The following IL20RA variants were observed in gnomAD, a reference collection of about 807,000 sequenced individuals.
The protein encoded by IL20RA is interleukin 20 receptor subunit alpha.
Under a neutral mutation model 36.5 loss-of-function variants are expected in IL20RA, and 29 were observed. The observed-to-expected ratio is 0.79, with a 90% CI of 0.59 to 1.08. The LOEUF is 1.08. Among genes scored for constraint, IL20RA ranks in the 50% least tolerant of loss-of-function variants. IL20RA has a pLI of 0.00. For synonymous variants in IL20RA, 279 were observed against 267.1 expected (o/e 1.04, Z -0.43); for missense variants, 652 against 668.4 (o/e 0.98, Z 0.27).
chr6:137,001,911 C>T lies in IL20RA; in HGVS notation c.1309G>A (p.Ala437Thr). The T allele has an allele frequency of 1.2e-6, 2 of 1,614,016 alleles. No individual in the cohort carries two copies. The highest frequency in any genetic ancestry group is 1.7e-6 in the Non-Finnish European group (2 of 1,179,992). ...GTTTGCGGGCCCAAGACTGCCAACG[C>T]TGCCTGCGACTCCAATAATGTTCCT... The part of the protein sequence containing the change: ...TQGTLLESQA[A>T]LAVLGPQTLQ... Residue 437 changes from alanine to threonine, a missense_variant, in exon 7 of 7, where the codon GCG becomes ACG. Ala to Thr is a moderately conservative substitution (Grantham distance 58). Coordinates refer to ENST00000316649, the MANE Select transcript of IL20RA (RefSeq NM_014432.4).
In IL20RA at chr6:137,009,392, A is replaced by G; in HGVS notation, c.504T>C (p.Leu168=). The G allele has an allele frequency of 6.2e-7, 1 of 1,612,794 alleles. No homozygotes were observed. The highest frequency in any genetic ancestry group is 1.7e-4 in the Middle Eastern group (1 of 6,060). The change falls in exon 4 of 7, where the codon CTT becomes CTC. Residue 168 remains leucine, a synonymous_variant. Coordinates refer to ENST00000316649, the MANE Select transcript of IL20RA (RefSeq NM_014432.4). ...AGTATATTTGTTGCATGGAAACAGG[A>G]AGGTCTTCTGGATTTCTCTTCCACT... ...PEKWKRNPED[L]PVSMQQIYSN...
chr6:137,014,210 A>AT (rs34396422), intron 2 of IL20RA, among the ~76,000 whole-genome samples: 3 of 151,718 alleles, frequency 2.0e-5, no homozygotes, highest in Non-Finnish European at 2.9e-5. Context: ...AGTTATCTGA[A>AT]TTTTTTTTTC....
intron 3 of IL20RA, among the ~76,000 whole-genome samples, chr6:137,010,124 G>A (rs1027937594): frequency 1.3e-5 from 2 of 152,226 alleles, no homozygotes; most frequent in African/African-American, 2.4e-5. Flanking sequence ...TCTGTGACTT[G>A]AAAAGTTGGT....
At chr6:137,014,097 C>A (rs887663931) in intron 2 of IL20RA, among the ~76,000 whole-genome samples, 1 of 152,172 alleles carries the variant, frequency 6.6e-6, no homozygotes, top group African/African-American at 2.4e-5. Context: ...AAAGTGATTT[C>A]TTTCCTCTAA....
chr6:137,018,063 C>CAA (rs1775766221), intron 1 of IL20RA, among the ~76,000 whole-genome samples: 1 of 152,118 alleles, frequency 6.6e-6, no homozygotes, highest in African/African-American at 2.4e-5. Flanking sequence ...TATCCTGTCA[C>CAA]AAATATGCAC....
chr6:137,010,425 G>A (rs1202743239), intron 3 of IL20RA, among the ~76,000 whole-genome samples: 3 of 152,104 alleles, frequency 2.0e-5, no homozygotes, highest in Admixed American at 6.6e-5. Flanking sequence ...AATATTCCTT[G>A]GATTTTTAGA....
At chr6:137,013,310 C>T (rs6911717) in intron 2 of IL20RA, among the ~76,000 whole-genome samples, 399 of 152,304 alleles carry the variant, frequency 2.6e-3, no homozygotes, top group African/African-American at 8.9e-3. Context: ...ATGACAGATG[C>T]TGATGCAGGA....
intron 1 of IL20RA, among the ~76,000 whole-genome samples, chr6:137,026,030 C>G (rs895100419): frequency 2.6e-5 from 4 of 152,206 alleles, no homozygotes; most frequent in Non-Finnish European, 5.9e-5. Context: ...AGAAAGCAAA[C>G]AAATCGCAAG....
chr6:137,012,484 A>G (rs1489235714), intron 2 of IL20RA, among the ~76,000 whole-genome samples: 1 of 152,182 alleles, frequency 6.6e-6, no homozygotes, highest in Non-Finnish European at 1.5e-5. Context: ...TAAGATGTTC[A>G]CTTTTGATGC....
Position 137,001,485 on chromosome 6 carries a change from A to G in IL20RA, c.*73T>C. The G allele has an allele frequency of 7.3e-7, 1 of 1,364,696 alleles. No individual in the cohort carries two copies. 84.5% of individuals were successfully genotyped at this position (1,364,696 alleles called of 1,614,324 possible). A position where few individuals can be genotyped will look rare whatever the true frequency, so the allele number is the denominator to read the frequency against. On this transcript the variant is annotated 3_prime_UTR_variant, in exon 7 of 7. Coordinates refer to ENST00000316649, the MANE Select transcript of IL20RA (RefSeq NM_014432.4). Reference sequence around the variant, plus strand: ...GGAAAAAACTTCTTTCATCCCAGGTACTTTATGGCTGGGATCAAAGGGGTG... The same window carrying G: ...GGAAAAAACTTCTTTCATCCCAGGTGCTTTATGGCTGGGATCAAAGGGGTG...
intron 1 of IL20RA, among the ~76,000 whole-genome samples, chr6:137,030,732 A>G (rs1391539247): frequency 6.6e-6 from 1 of 152,214 alleles, no homozygotes; most frequent in Non-Finnish European, 1.5e-5. Context: ...CATTTGAGAA[A>G]GGCAGTGAAA....
rs140038413 is a variant in IL20RA at position 137,004,159 on chromosome 6, CTTTTTT to C, written c.864+456_864+461del. Among the ~76,000 whole-genome samples the C allele has an allele frequency of 1.2e-3, 104 of 88,000 alleles. 2 individuals carry two copies. Among genetic ancestry groups the C allele is most frequent in the Non-Finnish European group, 1.8e-3 (87 of 49,102 alleles). 57.7% of individuals were successfully genotyped at this position (88,000 alleles called of 152,430 possible). On this transcript the variant is annotated intron_variant, in intron 6 of 6. Coordinates refer to ENST00000316649, the MANE Select transcript of IL20RA (RefSeq NM_014432.4). Reference sequence around the variant, plus strand: ...TCTGTTAGTCAGCTAATCCAGAAAGCTTTTTTTTTTTTTTTTTTTTTTTTTTGAGAC... The same window carrying C: ...TCTGTTAGTCAGCTAATCCAGAAAGCTTTTTTTTTTTTTTTTTTTTGAGAC...
intron 1 of IL20RA, among the ~76,000 whole-genome samples, chr6:137,024,057 G>A (rs962937584): frequency 9.2e-5 from 14 of 152,292 alleles, no homozygotes; most frequent in African/African-American, 3.1e-4. Flanking sequence ...TCGCACCACT[G>A]CATTCCAGCC....
chr6:137,012,367 C>A (rs544968396), intron 2 of IL20RA, among the ~76,000 whole-genome samples: 1 of 152,278 alleles, frequency 6.6e-6, no homozygotes, highest in South Asian at 2.1e-4. Context: ...CTGTCTCTTT[C>A]TGTCTGGGGC....
At chr6:137,020,717 C>T (rs1775866726) in intron 1 of IL20RA, among the ~76,000 whole-genome samples, 1 of 152,044 alleles carries the variant, frequency 6.6e-6, no homozygotes, top group South Asian at 2.1e-4. Flanking sequence ...AAGCTCATTG[C>T]AAATACGCTG....
chr6:137,010,656 C>A (rs1582821441), intron 3 of IL20RA, among the ~76,000 whole-genome samples: 1 of 152,122 alleles, frequency 6.6e-6, no homozygotes, highest in East Asian at 1.9e-4. Context: ...AAGTAAATAC[C>A]AGGAAGAAGT....
chr6:137,001,694 C>G lies in IL20RA; in HGVS notation c.1526G>C (p.Gly509Ala). 6.2e-7 allele frequency: 1 copy of G among 1,614,170 alleles called. No homozygotes were observed. Among genetic ancestry groups the G allele is most frequent in the Non-Finnish European group, 8.5e-7 (1 of 1,179,998 alleles). ...QDSEGCEPSE[G>A]DGLGEEGLLS... Reference sequence around the variant, plus strand: ...AAGACCCTCCTCTCCGAGCCCATCCCCCTCAGAAGGCTCGCAGCCCTCTGA... The same window carrying G: ...AAGACCCTCCTCTCCGAGCCCATCCGCCTCAGAAGGCTCGCAGCCCTCTGA... Residue 509 changes from glycine (G) to alanine (A), a missense_variant, in exon 7 of 7, where the codon GGG becomes GCG. Physicochemically the swap from Gly to Ala is moderately conservative, Grantham distance 60. Transcript: ENST00000316649.
intron 1 of IL20RA, among the ~76,000 whole-genome samples, chr6:137,025,016 G>A (rs1446892143): frequency 2.6e-5 from 4 of 152,246 alleles, no homozygotes; most frequent in African/African-American, 7.2e-5. Context: ...AAGTTGTGAG[G>A]AGTCGGCAAG....
intron 2 of IL20RA, among the ~76,000 whole-genome samples, chr6:137,011,720 T>C (rs1292306103): frequency 1.3e-5 from 2 of 152,218 alleles, no homozygotes; most frequent in Non-Finnish European, 2.9e-5. Flanking sequence ...TATTTTACTG[T>C]TATTCTTTGG....
Sources: allele counts gnomAD v4.1 joint callset (sites outside exome capture counted in the v4.1 genomes callset), GRCh38; gene constraint gnomAD v4.1.1; transcripts MANE v1.5; gene names NCBI Gene and HGNC (gene_info 2026-07-23, HGNC 2026-07-21).